BACH2: variants seen among roughly 807,000 people sequenced by gnomAD.
BACH2 encodes BACH transcriptional regulator 2.
A neutral mutation model predicts 61.8 loss-of-function variants in BACH2; 5 were observed. That is an observed-to-expected ratio of 0.08 (90% CI 0.04 to 0.17). BACH2 has a LOEUF of 0.17. Among genes scored for constraint, BACH2 ranks in the 10% least tolerant of loss-of-function variants. The pLI, the probability that BACH2 is intolerant of heterozygous loss-of-function variation, is 1.00. For synonymous variants in BACH2, 446 were observed against 440.1 expected (o/e 1.01, Z -0.17); for missense variants, 824 against 1,091.1 (o/e 0.76, Z 3.45).
At chr6:90,259,438 G>A (rs1771087783) in intron 2 of BACH2, among the ~76,000 whole-genome samples, 1 of 152,268 alleles carries the variant, frequency 6.6e-6, no homozygotes, top group South Asian at 2.1e-4. Context: ...GTCATGACAT[G>A]TAATCTTTTT....
chr6:90,278,978 G>C lies in BACH2; in HGVS notation c.-445-7037C>G, dbSNP rs149573970. ...ATGTAAAACATTATCATTTCAACAT[G>C]TAATCAACATAATAAAAATTATCAA... On this transcript the variant is annotated intron_variant, in intron 1 of 8. Coordinates refer to ENST00000257749, the MANE Select transcript of BACH2 (RefSeq NM_021813.4). 5.9e-5 allele frequency among the ~76,000 whole-genome samples: 9 copies of C among 152,174 alleles called. No homozygotes were observed. The East Asian group carries it at 1.7e-3, about 29-fold the overall frequency.
intron 1 of BACH2, among the ~76,000 whole-genome samples, chr6:90,272,725 T>C (rs904612313): frequency 6.6e-6 from 1 of 152,222 alleles, no homozygotes; most frequent in African/African-American, 2.4e-5. Context: ...CTTGATTTGT[T>C]ACATCTCACC....
At chr6:90,193,502 C>T (rs921468184) in intron 4 of BACH2, among the ~76,000 whole-genome samples, 5 of 152,138 alleles carry the variant, frequency 3.3e-5, no homozygotes, top group Admixed American at 6.5e-5. Context: ...ATCTTCGACT[C>T]CTAGTCTGCA....
chr6:90,263,320 CTTAG>C (rs573539703), intron 2 of BACH2, among the ~76,000 whole-genome samples: 96 of 149,166 alleles, frequency 6.4e-4, no homozygotes, highest in Middle Eastern at 3.4e-3. Flanking sequence ...GCCTGATGTG[CTTAG>C]TTAGACAGAC....
chr6:90,182,284 G>A (rs921713321), intron 4 of BACH2, among the ~76,000 whole-genome samples: 2 of 152,162 alleles, frequency 1.3e-5, no homozygotes, highest in African/African-American at 4.8e-5. Context: ...CCCTGAACAC[G>A]TGGTGTGCTT....
At chr6:89,947,817 C>T (rs3757248) in intron 7 of BACH2, among the ~76,000 whole-genome samples, 38,089 of 151,904 alleles carry the variant, frequency 0.25, 5,224 homozygotes, top group Admixed American at 0.39. Flanking sequence ...GTGATTCGCC[C>T]GCCTCGGCCT....
At chr6:90,199,459 G>A (rs755961051) in intron 4 of BACH2, among the ~76,000 whole-genome samples, 17 of 152,172 alleles carry the variant, frequency 1.1e-4, no homozygotes, top group East Asian at 3.8e-4. Flanking sequence ...ACAAATGAGC[G>A]TTAACATATT....
chr6:90,267,847 T>C (rs1771390314), intron 2 of BACH2, among the ~76,000 whole-genome samples: 1 of 152,120 alleles, frequency 6.6e-6, no homozygotes, highest in Non-Finnish European at 1.5e-5. Flanking sequence ...TTTGTATGTA[T>C]GTATATGATG....
chr6:90,219,628 G>A (rs1237441149), intron 3 of BACH2, among the ~76,000 whole-genome samples: 2 of 152,144 alleles, frequency 1.3e-5, no homozygotes, highest in East Asian at 1.9e-4. Flanking sequence ...TACCATCCGC[G>A]GAATCTGTAC....
chr6:90,228,082 A>G (rs544543258), intron 3 of BACH2, among the ~76,000 whole-genome samples: 1 of 152,380 alleles, frequency 6.6e-6, no homozygotes, highest in South Asian at 2.1e-4. Context: ...AATGATTTCT[A>G]GATTAATCCA....
intron 2 of BACH2, among the ~76,000 whole-genome samples, chr6:90,255,282 C>A (rs1329521651): frequency 6.6e-6 from 1 of 152,188 alleles, no homozygotes; most frequent in Non-Finnish European, 1.5e-5. Context: ...CATTTTCACT[C>A]AACAATTGTT....
intron 5 of BACH2, among the ~76,000 whole-genome samples, chr6:90,027,475 G>T (rs553001897): frequency 6.6e-6 from 1 of 152,158 alleles, no homozygotes; most frequent in Non-Finnish European, 1.5e-5. Context: ...TTAAGGAAGA[G>T]ATTTTTTTTT....
chr6:90,184,825 G>T (rs1768296201), intron 4 of BACH2, among the ~76,000 whole-genome samples: 1 of 152,174 alleles, frequency 6.6e-6, no homozygotes, highest in African/African-American at 2.4e-5. Flanking sequence ...ATGGCTAAGG[G>T]GGTGGCAAAC....
At chr6:90,221,371 A>G (rs1769728624) in intron 3 of BACH2, among the ~76,000 whole-genome samples, 1 of 152,208 alleles carries the variant, frequency 6.6e-6, no homozygotes, top group South Asian at 2.1e-4. Flanking sequence ...CCAGTCCTAT[A>G]CACCTCAGCA....
intron 4 of BACH2, among the ~76,000 whole-genome samples, chr6:90,091,228 T>C (rs1211856539): frequency 1.3e-5 from 2 of 152,212 alleles, no homozygotes; most frequent in Non-Finnish European, 1.5e-5. Flanking sequence ...GTACCATCTA[T>C]AGCATCTAAA....
intron 5 of BACH2, among the ~76,000 whole-genome samples, chr6:90,068,230 T>C (rs41387444): frequency 0.016 from 2,446 of 152,276 alleles, 59 homozygotes; most frequent in African/African-American, 0.056. Context: ...GATTTTGAGA[T>C]TGAAATTAAA....
chr6:90,195,899 GAA>G (rs1768741805), intron 4 of BACH2, among the ~76,000 whole-genome samples: 2 of 152,194 alleles, frequency 1.3e-5, no homozygotes, highest in Admixed American at 6.5e-5. Flanking sequence ...AACATAAAGA[GAA>G]AGAGATGTAG....
chr6:90,030,618 T>C (rs1007986114), intron 5 of BACH2, among the ~76,000 whole-genome samples: 1 of 151,992 alleles, frequency 6.6e-6, no homozygotes, highest in African/African-American at 2.4e-5. Flanking sequence ...AATGGATAAA[T>C]TCCTTGACAC....
chr6:90,253,981 T>G (rs1770895799), intron 2 of BACH2, among the ~76,000 whole-genome samples: 1 of 152,204 alleles, frequency 6.6e-6, no homozygotes, highest in Non-Finnish European at 1.5e-5. Context: ...GTGCAGTGTA[T>G]CTTTGTCTTA....
Sources: allele counts gnomAD v4.1 joint callset (sites outside exome capture counted in the v4.1 genomes callset), GRCh38; gene constraint gnomAD v4.1.1; transcripts MANE v1.5; gene names NCBI Gene and HGNC (gene_info 2026-07-23, HGNC 2026-07-21).